The following CELSR3 variants were observed in gnomAD, a reference collection of about 807,000 sequenced individuals.
CELSR3 encodes the protein cadherin EGF LAG seven-pass G-type receptor 3.
In CELSR3, 73 loss-of-function variants were observed where a neutral mutation model predicts 270.0. The observed-to-expected ratio is 0.27, with a 90% confidence interval of 0.22 to 0.33. The LOEUF (loss-of-function observed/expected upper bound fraction) is 0.33, where lower values mean the gene tolerates loss of function less well. Ranked by LOEUF, CELSR3 falls within the 10% of genes least tolerant of loss-of-function variation. CELSR3 has a pLI of 1.00. For synonymous variants in CELSR3, 1,780 were observed against 1,905.4 expected (o/e 0.93, Z 1.71); for missense variants, 3,614 against 4,533.8 (o/e 0.80, Z 5.83).
At position 48,660,117 on chromosome 3, in the gene CELSR3, C is replaced by A. The variant is rs2077055148; in HGVS notation, c.2518G>T (p.Asp840Tyr). The change falls in exon 1 of 35, where the codon GAT (aspartate) becomes TAT (tyrosine). Residue 840 changes from aspartate to tyrosine, a missense_variant. This residue lies in a region of CELSR3 where 215 missense variants were observed against 241.2 expected (regional missense o/e 0.89). Transcript: ENST00000164024. The surrounding 1 kb of genome is among the most constrained non-coding windows in gnomAD (Gnocchi z 5.5). Reference sequence around the variant, plus strand: ...ATGTTGATGTGCACATAGCAGTGATCATGAAGGGCACGGTCAGATGCAGTT... The same window carrying A: ...ATGTTGATGTGCACATAGCAGTGATAATGAAGGGCACGGTCAGATGCAGTT... ...VLTASDRALH[D>Y]HCYVHINITD... 1.2e-6 allele frequency: 2 copies of A among 1,614,156 alleles called. No homozygotes were observed. Among genetic ancestry groups the A allele is most frequent in the Non-Finnish European group, 1.7e-6 (2 of 1,180,038 alleles).
rs776261819 is a variant in CELSR3, at chr3:48,661,769, T to G, written c.866A>C (p.Gln289Pro). The change falls in exon 1 of 35, where the codon CAG becomes CCG. Residue 289 changes from glutamine to proline, a missense_variant. This residue lies in a region of CELSR3 where 470 missense variants were observed against 469.7 expected (regional missense o/e 1.00). Coordinates refer to ENST00000164024, the MANE Select transcript of CELSR3 (RefSeq NM_001407.3). ...TCCCGGGGGACGCGGCCCGGGGCGC[T>G]GCGGGAGGAAGCGGCAGCGGAAGAG... ...RGLFRCRFLP[Q>P]RPGPRPPGLP... 1.9e-6 allele frequency: 3 copies of G among 1,598,844 alleles called. No individual in the cohort carries two copies. The African/African-American group carries it at 4.0e-5, about 21-fold the overall frequency.
chr3:48,655,609 A>T lies in CELSR3; in HGVS notation c.4741+127T>A. ...TCCCACAGGGAATGGCCAAGGAGCT[A>T]GGTCTTCAGGGCTTGCATGGCGTGG... On this transcript the variant is annotated intron_variant, in intron 4 of 34. Transcript: ENST00000164024. The surrounding 1 kb of genome is among the most constrained non-coding windows in gnomAD (Gnocchi z 5.8). 2 of 920,740 alleles carry T rather than the reference A, an allele frequency of 2.2e-6. No individual in the cohort carries two copies. The highest frequency in any genetic ancestry group is 3.5e-6 in the Non-Finnish European group (2 of 570,110). The allele number at this position is 920,740 out of a possible 1,614,324, so 57.0% of individuals were successfully genotyped here. A position where few individuals can be genotyped will look rare whatever the true frequency, so the allele number is the denominator to read the frequency against.
chr3:48,660,141 T>C lies in CELSR3; in HGVS notation c.2494A>G (p.Thr832Ala), dbSNP rs144999570. Reference protein sequence around the residue: ...KQERYFKLVLTASDRALHDHC... With the variant: ...KQERYFKLVLAASDRALHDHC... ...TCATGAAGGGCACGGTCAGATGCAG[T>C]TAGTACCAGCTTGAAGTAGCGTTCC... The change falls in exon 1 of 35, where the codon ACT becomes GCT. Residue 832 changes from threonine (T) to alanine (A), a missense_variant. By Grantham distance (58) the Thr-to-Ala change is moderately conservative. Transcript: ENST00000164024. This position sits in a 1 kb window ranked among gnomAD's most constrained non-coding sequence, Gnocchi z 5.5. 18 of 1,614,022 alleles carry C rather than the reference T, an allele frequency of 1.1e-5. No individual in the cohort carries two copies. The highest frequency in any genetic ancestry group is 2.5e-6 in the Non-Finnish European group (3 of 1,180,030).
Position 48,656,863 on chromosome 3 carries a change from G to C in CELSR3, c.4234C>G (p.Pro1412Ala). The C allele has an allele frequency of 6.2e-7, 1 of 1,609,948 alleles. No individual in the cohort carries two copies. The highest frequency in any genetic ancestry group is 8.5e-7 in the Non-Finnish European group (1 of 1,178,158). ...FLASASTLFR[P>A]IQPIAGLRCR... ...CGCAGGCCAGCGATGGGCTGGATGGGTCGGAACAGCGTGGAGGCCGAGGCC... is the reference window on the plus strand; with the variant it reads ...CGCAGGCCAGCGATGGGCTGGATGGCTCGGAACAGCGTGGAGGCCGAGGCC... The change falls in exon 2 of 35, where the codon CCC becomes GCC. Residue 1412 changes from proline (P) to alanine (A), a missense_variant. Pro to Ala is a conservative substitution (Grantham distance 27). Transcript: ENST00000164024.
rs1209411171 is a variant in CELSR3, at chr3:48,646,730, C to T, written c.7295+33G>A. 9.5e-6 allele frequency: 15 copies of T among 1,586,590 alleles called. No individual in the cohort carries two copies. The highest frequency in any genetic ancestry group is 1.3e-5 in the Non-Finnish European group (15 of 1,170,916). Reference sequence around the variant, plus strand: ...AAAGGGGCTGCCAGGCTGAGAAGTTCGTAGGAAGCTCAGGGGTGAGGGGCC... The same window carrying T: ...AAAGGGGCTGCCAGGCTGAGAAGTTTGTAGGAAGCTCAGGGGTGAGGGGCC... On this transcript the variant is annotated intron_variant, in intron 21 of 34. Transcript: ENST00000164024. The surrounding 1 kb of genome is among the most constrained non-coding windows in gnomAD (Gnocchi z 4.8).
Position 48,652,926 on chromosome 3 carries a change from G to A in CELSR3, c.5634+76C>T, listed in dbSNP as rs543445255. On this transcript the variant is annotated intron_variant, in intron 10 of 34. Transcript: ENST00000164024. This position sits in a 1 kb window ranked among gnomAD's most constrained non-coding sequence, Gnocchi z 4.3. ...CAGTGGAGGGAACTGAGAGGAGCTG[G>A]ACTAGAGGTGGGGTCAAATAAGGCG... The A allele has an allele frequency of 2.4e-4, 289 of 1,216,242 alleles. 1 individual carries two copies. The highest frequency in any genetic ancestry group is 2.2e-3 in the Admixed American group (123 of 56,478). The allele number at this position is 1,216,242 out of a possible 1,614,324, so 75.3% of individuals were successfully genotyped here. A position where few individuals can be genotyped will look rare whatever the true frequency, so the allele number is the denominator to read the frequency against.
In CELSR3 at chr3:48,645,735, G is replaced by A; in HGVS notation, c.7590+7C>T. Reference sequence around the variant, plus strand: ...CCACTTCCTTGGGACACTGAACACAGCCCCACCTCACGGGGAGAGGCATCC... The same window carrying A: ...CCACTTCCTTGGGACACTGAACACAACCCCACCTCACGGGGAGAGGCATCC... On this transcript the variant is annotated splice_region_variant and intron_variant, in intron 23 of 34. Coordinates refer to ENST00000164024, the MANE Select transcript of CELSR3 (RefSeq NM_001407.3). This position sits in a 1 kb window ranked among gnomAD's most constrained non-coding sequence, Gnocchi z 5.4. The A allele has an allele frequency of 6.2e-7, 1 of 1,607,254 alleles. No individual in the cohort carries two copies. The highest frequency in any genetic ancestry group is 8.5e-7 in the Non-Finnish European group (1 of 1,175,536).
In CELSR3 at chr3:48,645,891, CA is replaced by C. The variant is rs757399600; in HGVS notation, c.7464-24del. On this transcript the variant is annotated intron_variant, in intron 22 of 34. Transcript: ENST00000164024. This position sits in a 1 kb window ranked among gnomAD's most constrained non-coding sequence, Gnocchi z 5.4. ...GCCCTGCAGCCACAGGGCAGTTAGACACAACTGTGACCCAGTGTCAGGCAGG... is the reference window on the plus strand; with the variant it reads ...GCCCTGCAGCCACAGGGCAGTTAGACCAACTGTGACCCAGTGTCAGGCAGG... 5.0e-6 allele frequency: 8 copies of C among 1,587,706 alleles called. No homozygotes were observed. Among genetic ancestry groups the C allele is most frequent in the Non-Finnish European group, 6.9e-6 (8 of 1,164,080 alleles).
chr3:48,660,618 T>G lies in CELSR3; in HGVS notation c.2017A>C (p.Ile673Leu). Residue 673 changes from isoleucine to leucine, a missense_variant, in exon 1 of 35, where the codon ATT becomes CTT. Ile to Leu is a conservative substitution (Grantham distance 5, BLOSUM62 2). Around this residue, in one of 7 missense-constraint regions of CELSR3, gnomAD observed 354 missense variants for 500.9 expected, o/e 0.71. Coordinates refer to ENST00000164024, the MANE Select transcript of CELSR3 (RefSeq NM_001407.3). This position sits in a 1 kb window ranked among gnomAD's most constrained non-coding sequence, Gnocchi z 5.5. Reference protein sequence around the residue: ...NAPLGHSVIHIQAVDADHGEN... With the variant: ...NAPLGHSVIHLQAVDADHGEN... Reference sequence around the variant, plus strand: ...CCATGGTCTGCATCGACTGCCTGAATGTGGATGACTGAGTGACCCAAGGGA... The same window carrying G: ...CCATGGTCTGCATCGACTGCCTGAAGGTGGATGACTGAGTGACCCAAGGGA... The G allele has an allele frequency of 4.3e-6, 7 of 1,614,200 alleles. No homozygotes were observed. Among genetic ancestry groups the G allele is most frequent in the Non-Finnish European group, 5.9e-6 (7 of 1,180,028 alleles).
chr3:48,651,041 C>T lies in CELSR3; in HGVS notation c.6221G>A (p.Cys2074Tyr). 6.3e-7 allele frequency: 1 copy of T among 1,586,926 alleles called. No homozygotes were observed. The highest frequency in any genetic ancestry group is 8.6e-7 in the Non-Finnish European group (1 of 1,166,248). ...CACAGGGTAGCAGTCACATGGGAGG[C>T]AAGAGTCACTGCCCCGCGGTCGGTA... ...FHYRPRGSDS[C>Y]LPCDCYPVGS... The change falls in exon 15 of 35, where the codon TGC becomes TAC. Residue 2074 changes from cysteine (C) to tyrosine (Y), a missense_variant. By Grantham distance (194) the Cys-to-Tyr change is radical. Around this residue, in one of 7 missense-constraint regions of CELSR3, gnomAD observed 1,331 missense variants for 1,933.7 expected, o/e 0.69. Coordinates refer to ENST00000164024, the MANE Select transcript of CELSR3 (RefSeq NM_001407.3). The surrounding 1 kb of genome is among the most constrained non-coding windows in gnomAD (Gnocchi z 7.4).
In CELSR3 at chr3:48,640,099, G is replaced by T; in HGVS notation, c.9486C>A (p.Thr3162=). ...WLSTLPPPRR[T]RDLDPQPPPL... is the part of the protein sequence containing the mutation. ...GTGGGGGCTGTGGGTCAAGGTCCCG[G>T]GTGCGGCGGGGCGGAGGCAGCGTGC... Residue 3162 remains threonine, a synonymous_variant, in exon 34 of 35, where the codon ACC becomes ACA. Coordinates refer to ENST00000164024, the MANE Select transcript of CELSR3 (RefSeq NM_001407.3). The surrounding 1 kb of genome is among the most constrained non-coding windows in gnomAD (Gnocchi z 7.5). 1 of 1,611,196 alleles carries T rather than the reference G, an allele frequency of 6.2e-7. No homozygotes were observed. The highest frequency in any genetic ancestry group is 8.5e-7 in the Non-Finnish European group (1 of 1,179,784).
In CELSR3 at chr3:48,654,383, G is replaced by A; in HGVS notation, c.5058C>T (p.Ser1686=). The A allele has an allele frequency of 1.9e-6, 3 of 1,611,206 alleles. No individual in the cohort carries two copies. Among genetic ancestry groups the A allele is most frequent in the Non-Finnish European group, 2.5e-6 (3 of 1,177,626 alleles). Residue 1686 remains serine (S), a synonymous_variant, in exon 7 of 35, where the codon TCC becomes TCT. Transcript: ENST00000164024. This position sits in a 1 kb window ranked among gnomAD's most constrained non-coding sequence, Gnocchi z 5.4. The part of the protein sequence containing the change: ...VPNLPENFPV[S]HKDFIGCMRD... ...GCATACAGCCGATGAAGTCCTTATGGGATACGGGGAAGTTCTCGGGGAGGT... is the reference window on the plus strand; with the variant it reads ...GCATACAGCCGATGAAGTCCTTATGAGATACGGGGAAGTTCTCGGGGAGGT...
At position 48,657,758 on chromosome 3, in the gene CELSR3, C is replaced by T. The variant is rs1241913467; in HGVS notation, c.3749-410G>A. Among the ~76,000 whole-genome samples, 1 of 152,194 alleles carries T rather than the reference C, an allele frequency of 6.6e-6. No individual in the cohort carries two copies. The highest frequency in any genetic ancestry group is 6.5e-5 in the Admixed American group (1 of 15,284). On this transcript the variant is annotated intron_variant, in intron 1 of 34. Transcript: ENST00000164024. This position sits in a 1 kb window ranked among gnomAD's most constrained non-coding sequence, Gnocchi z 5.4. ...GCCACTGGCCACTCATTCCCAGCCA[C>T]CTTTCCCTTCTCCCCTCCTCCAGCA...
Position 48,644,887 on chromosome 3 carries a change from T to G in CELSR3, c.7973-59A>C. On this transcript the variant is annotated intron_variant, in intron 25 of 34. Transcript: ENST00000164024. This position sits in a 1 kb window ranked among gnomAD's most constrained non-coding sequence, Gnocchi z 4.8. Reference sequence around the variant, plus strand: ...TGTTCCAGAGCTGCTGACCAGCCCATGTATGGGAGAAAGCATGGGTGAGGG... The same window carrying G: ...TGTTCCAGAGCTGCTGACCAGCCCAGGTATGGGAGAAAGCATGGGTGAGGG... 6.5e-7 allele frequency: 1 copy of G among 1,543,784 alleles called. No homozygotes were observed. Among genetic ancestry groups the G allele is most frequent in the Non-Finnish European group, 8.9e-7 (1 of 1,123,068 alleles).
At position 48,659,414 on chromosome 3, in the gene CELSR3, ACC is replaced by A; in HGVS notation, c.3219_3220del (p.Glu1073AspfsTer7). On this transcript the variant is annotated frameshift_variant, in exon 1 of 35. Transcript: ENST00000164024. LOFTEE classifies it high-confidence loss of function. The surrounding 1 kb of genome is among the most constrained non-coding windows in gnomAD (Gnocchi z 8.1). Reference sequence around the variant, plus strand: ...CACAATGCTATTCTCTTTCACCCGCACCTCAAACTCCTCAGCTGGGAAGACAG... The same window carrying A: ...CACAATGCTATTCTCTTTCACCCGCATCAAACTCCTCAGCTGGGAAGACAG... The A allele has an allele frequency of 6.2e-7, 1 of 1,614,060 alleles. No homozygotes were observed. The highest frequency in any genetic ancestry group is 8.5e-7 in the Non-Finnish European group (1 of 1,180,024).
Position 48,638,136 on chromosome 3 carries a change from C to T in CELSR3, c.*69G>A. 1 of 1,435,622 alleles carries T rather than the reference C, an allele frequency of 7.0e-7. No individual in the cohort carries two copies. The allele number at this position is 1,435,622 out of a possible 1,614,324, so 88.9% of individuals were successfully genotyped here. On this transcript the variant is annotated 3_prime_UTR_variant, in exon 35 of 35. Transcript: ENST00000164024. ...GCTGCCTTGGGATCTGCCCCCACTCCTGGAGTCTCTCCTGTTAGCCTAGAT... is the reference window on the plus strand; with the variant it reads ...GCTGCCTTGGGATCTGCCCCCACTCTTGGAGTCTCTCCTGTTAGCCTAGAT...
Position 48,648,859 on chromosome 3 carries a change from G to A in CELSR3, c.6637C>T (p.Arg2213Trp), listed in dbSNP as rs1331025833. 2.5e-6 allele frequency: 4 copies of A among 1,612,880 alleles called. No homozygotes were observed. Among genetic ancestry groups the A allele is most frequent in the East Asian group, 2.2e-5 (1 of 44,884 alleles). The change falls in exon 18 of 35, where the codon CGG becomes TGG. Residue 2213 changes from arginine to tryptophan, a missense_variant. By Grantham distance (101) the Arg-to-Trp change is moderately radical. Around this residue, in one of 7 missense-constraint regions of CELSR3, gnomAD observed 1,331 missense variants for 1,933.7 expected, o/e 0.69. Coordinates refer to ENST00000164024, the MANE Select transcript of CELSR3 (RefSeq NM_001407.3). ...MEAKKLAQRLREVTGHTDHYF... is the reference protein window; with the variant it reads ...MEAKKLAQRLWEVTGHTDHYF... ...TGGTCAGTGTGGCCAGTCACCTCCCGTAGCCGCTGAGCCAGCTTCTTGGCC... is the reference window on the plus strand; with the variant it reads ...TGGTCAGTGTGGCCAGTCACCTCCCATAGCCGCTGAGCCAGCTTCTTGGCC...
chr3:48,662,841 C>T lies in CELSR3; in HGVS notation c.-207G>A, dbSNP rs2077080529. The T allele has an allele frequency of 3.1e-6, 1 of 324,598 alleles. No homozygotes were observed. Among genetic ancestry groups the T allele is most frequent in the African/African-American group, 2.2e-5 (1 of 45,058 alleles). The allele number at this position is 324,598 out of a possible 1,614,324, so 20.1% of individuals were successfully genotyped here. On this transcript the variant is annotated 5_prime_UTR_variant, in exon 1 of 35. It introduces an in-frame stop codon into an upstream open reading frame of the 5' UTR. Transcript: ENST00000164024. This position sits in a 1 kb window ranked among gnomAD's most constrained non-coding sequence, Gnocchi z 7.1. ...CGTGCGGCCCTGGCTTTTTCCGCCCCCACCACAGCATCCCCGACGCTGCTG... is the reference window on the plus strand; with the variant it reads ...CGTGCGGCCCTGGCTTTTTCCGCCCTCACCACAGCATCCCCGACGCTGCTG...
chr3:48,659,740 G>A lies in CELSR3; in HGVS notation c.2895C>T (p.His965=), dbSNP rs764502194. 2 of 1,614,250 alleles carry A rather than the reference G, an allele frequency of 1.2e-6. No homozygotes were observed. Among genetic ancestry groups the A allele is most frequent in the East Asian group, 2.2e-5 (1 of 44,892 alleles). ...CATCCTCAGAGACCAGCCCTGTATA[G>A]TGGGAGGCCACAAATTGTGGAGCAT... ...NDNAPQFVAS[H]YTGLVSEDAP... The change falls in exon 1 of 35, where the codon CAC becomes CAT. Residue 965 remains histidine, a synonymous_variant. Coordinates refer to ENST00000164024, the MANE Select transcript of CELSR3 (RefSeq NM_001407.3). The surrounding 1 kb of genome is among the most constrained non-coding windows in gnomAD (Gnocchi z 8.1).
Sources: allele counts gnomAD v4.1 joint callset (sites outside exome capture counted in the v4.1 genomes callset), GRCh38; gene constraint gnomAD v4.1.1; regional missense constraint gnomAD v4.1.1; non-coding constraint Gnocchi (gnomAD v3.1); transcripts MANE v1.5; gene names NCBI Gene and HGNC (gene_info 2026-07-23, HGNC 2026-07-21).